CLK3: variants seen among roughly 807,000 people sequenced by gnomAD.
CLK3 encodes CDC like kinase 3.
In CLK3, 24 loss-of-function variants were observed where a neutral mutation model predicts 65.2. The observed-to-expected ratio is 0.37, with a 90% CI of 0.27 to 0.52. CLK3 has a LOEUF of 0.52. CLK3 is among the 20% of genes least tolerant of loss of function. CLK3 has a pLI of 0.92. For synonymous variants in CLK3, 252 were observed against 240.8 expected, an observed-to-expected ratio of 1.05 and a Z score of -0.43; for missense variants, 506 against 660.0, an observed-to-expected ratio of 0.77 and a Z score of 2.56.
chr15:74,628,285 G>A (rs960746830), intron 10 of CLK3, among the ~76,000 whole-genome samples: 1 of 151,418 alleles, frequency 6.6e-6, no homozygotes, highest in Non-Finnish European at 1.5e-5. Context: ...ATGGAGGATG[G>A]GGTAGGAGGT....
chr15:74,616,376 C>G (rs2062060212), intron 1 of CLK3, among the ~76,000 whole-genome samples: 1 of 152,246 alleles, frequency 6.6e-6, no homozygotes, highest in Non-Finnish European at 1.5e-5. Context: ...GACTCTGAGA[C>G]CCCCTGGGAC....
chr15:74,626,003 C>T (rs1289388578), intron 7 of CLK3, 35 bp downstream of exon 7: 1 of 1,607,714 alleles, frequency 6.2e-7, no homozygotes, highest in East Asian at 2.2e-5. Flanking sequence ...CATGGGCAGC[C>T]ACATGCCTGC....
chr15:74,618,658 T>C (rs536736523), intron 1 of CLK3, among the ~76,000 whole-genome samples: 7 of 152,336 alleles, frequency 4.6e-5, no homozygotes, highest in African/African-American at 1.7e-4. Flanking sequence ...TGCTCACTTG[T>C]GGTCCTTACT....
chr15:74,613,600 C>T (rs2062018516), upstream of CLK3: 1 of 152,154 alleles, frequency 6.6e-6, no homozygotes, highest in Non-Finnish European at 1.5e-5. Context: ...GAGGTAGGGA[C>T]TCCTGGATTC....
In CLK3 at chr15:74,615,859, C is replaced by CG. The variant is rs768367199; in HGVS notation, c.-36dup. ...CCGGAAGCGGAAGAGGCGCTCGGAG[C>CG]GGGGAGTGGGGCCTAGCTGCAGCCG... On this transcript the variant is annotated 5_prime_UTR_variant, in exon 1 of 13. Coordinates refer to ENST00000395066, the MANE Select transcript of CLK3 (RefSeq NM_001130028.2). 471 of 1,255,410 alleles carry CG rather than the reference C, an allele frequency of 3.8e-4. No homozygotes were observed. The highest frequency in any genetic ancestry group is 7.4e-4 in the South Asian group (23 of 30,992). The allele number at this position is 1,255,410 out of a possible 1,614,324, so 77.8% of individuals were successfully genotyped here. A position where few individuals can be genotyped will look rare whatever the true frequency, so the allele number is the denominator to read the frequency against.
intron 1 of CLK3, among the ~76,000 whole-genome samples, chr15:74,609,880 C>G (rs2061966103): frequency 6.6e-6 from 1 of 152,232 alleles, no homozygotes; most frequent in African/African-American, 2.4e-5. Context: ...GGCCCCAACT[C>G]AAGTTATGAC....
At chr15:74,620,877 G>A (rs1596287728) in intron 3 of CLK3, 1 of 153,088 alleles carries the variant, frequency 6.5e-6, no homozygotes. Context: ...TGGCAGAAAG[G>A]CTGCCGCCCC....
chr15:74,619,966 G>GC (rs773131274), intron 2 of CLK3, 43 bp from the exon 3 acceptor site: 4 of 1,612,418 alleles, frequency 2.5e-6, no homozygotes. Context: ...CTTGCTAACA[G>GC]CAAGGACCCA....
Position 74,622,180 on chromosome 15 carries a change from C to T in CLK3, c.430C>T (p.Leu144=). Reference sequence around the variant, plus strand: ...TGTGGAAGATGACAAGGAGGGTCACCTGGTGTGCCGGATCGGCGATTGGCT... The same window carrying T: ...TGTGGAAGATGACAAGGAGGGTCACTTGGTGTGCCGGATCGGCGATTGGCT... ...RSVEDDKEGH[L]VCRIGDWLQE... is the part of the protein sequence containing the mutation. The change falls in exon 4 of 13, where the codon CTG becomes TTG. Residue 144 remains leucine (L), a synonymous_variant. Coordinates refer to ENST00000395066, the MANE Select transcript of CLK3 (RefSeq NM_001130028.2). The surrounding 1 kb of genome is among the most constrained non-coding windows in gnomAD (Gnocchi z 4.6). 1 of 1,614,034 alleles carries T rather than the reference C, an allele frequency of 6.2e-7. No homozygotes were observed. Among genetic ancestry groups the T allele is most frequent in the African/African-American group, 1.3e-5 (1 of 75,036 alleles).
rs977756625 is a variant in CLK3 at position 74,627,687 on chromosome 15, T to G, written c.1042+19T>G. ...ATCCTTGGTGAGTGACTGTATGGCC[T>G]GTGACCTTGTCATACTGGACTGTTG... is the stretch of plus-strand genomic sequence containing the variant. On this transcript the variant is annotated intron_variant, in intron 9 of 12. Coordinates refer to ENST00000395066, the MANE Select transcript of CLK3 (RefSeq NM_001130028.2). The surrounding 1 kb of genome is among the most constrained non-coding windows in gnomAD (Gnocchi z 4.3). 1 of 1,612,954 alleles carries G rather than the reference T, an allele frequency of 6.2e-7. No individual in the cohort carries two copies. The highest frequency in any genetic ancestry group is 1.3e-5 in the African/African-American group (1 of 74,918).
Position 74,625,954 on chromosome 15 carries a change from G to A in CLK3, c.803G>A (p.Cys268Tyr), listed in dbSNP as rs772657335. ...PHVRHMAYQL[C>Y]HALRFLHENQ... ...GTCCGGCACATGGCCTACCAGCTCTGCCACGCCCTTAGATGTAAGTGTCCA... is the reference window on the plus strand; with the variant it reads ...GTCCGGCACATGGCCTACCAGCTCTACCACGCCCTTAGATGTAAGTGTCCA... The change falls in exon 7 of 13, where the codon TGC (cysteine) becomes TAC (tyrosine). Residue 268 changes from cysteine to tyrosine, a missense_variant. By Grantham distance (194) the Cys-to-Tyr change is radical. Coordinates refer to ENST00000395066, the MANE Select transcript of CLK3 (RefSeq NM_001130028.2). 6.2e-7 allele frequency: 1 copy of A among 1,614,082 alleles called. No individual in the cohort carries two copies. Among genetic ancestry groups the A allele is most frequent in the Non-Finnish European group, 8.5e-7 (1 of 1,179,974 alleles).
At chr15:74,629,473 C>G in intron 12 of CLK3, 1 of 574,762 alleles carries the variant, frequency 1.7e-6, no homozygotes, top group Non-Finnish European at 3.1e-6. Flanking sequence ...CATGTGGGGG[C>G]AGAGGCATCA....
At chr15:74,620,906 G>C (rs2062096748) in intron 3 of CLK3, 1 of 153,136 alleles carries the variant, frequency 6.5e-6, no homozygotes, top group Non-Finnish European at 1.5e-5. Context: ...TCCAGTTGCA[G>C]GCCACATGCC....
upstream of CLK3, chr15:74,615,682 A>T (rs2062049177): frequency 1.6e-6 from 2 of 1,240,760 alleles, no homozygotes; most frequent in South Asian, 7.1e-5. Flanking sequence ...CTAGTCTCCT[A>T]GGCCGCGGCG....
At chr15:74,615,829 C>T (rs769691211), upstream of CLK3, 4 of 1,247,468 alleles carry the variant, frequency 3.2e-6, 1 homozygote, top group East Asian at 3.1e-5. Context: ...GGGCGGAGGT[C>T]GCAGCCGGAA....
upstream of CLK3, chr15:74,613,646 T>C (rs1289567619): frequency 6.6e-6 from 1 of 152,078 alleles, no homozygotes; most frequent in Non-Finnish European, 1.5e-5. Flanking sequence ...GGTGACTAAC[T>C]TACCCCATCA....
chr15:74,629,083 G>GC (rs1567146013), intron 12 of CLK3, 51 bp downstream of exon 12: 3 of 1,338,068 alleles, frequency 2.2e-6, no homozygotes, highest in Admixed American at 3.4e-5. Context: ...GAGACCCCAG[G>GC]CACTGGGCAG....
At chr15:74,625,059 G>A in intron 6 of CLK3, 41 bp downstream of exon 6, 1 of 1,456,974 alleles carries the variant, frequency 6.9e-7, no homozygotes, top group Non-Finnish European at 9.6e-7. Flanking sequence ...CTTCAGTGGG[G>A]CTGCTGGACC....
rs2062088917 is a variant in CLK3 at position 74,620,028 on chromosome 15, C to T, written c.172C>T (p.Gln58Ter). ...TGGCAGCCATGACCGCCTGCCCTACCAGAGGAGGTACCGGGAGCGCCGTGA... is the reference window on the plus strand; with the variant it reads ...TGGCAGCCATGACCGCCTGCCCTACTAGAGGAGGTACCGGGAGCGCCGTGA... ...RSRSHDRLPYQRRYRERRDSD... is the reference protein window; with the variant it reads ...RSRSHDRLPY Residue 58 changes from glutamine (Q) to a stop codon, truncating the protein, a stop_gained, in exon 3 of 13, where the codon CAG becomes TAG. Transcript: ENST00000395066. LOFTEE classifies it high-confidence loss of function. The T allele has an allele frequency of 6.2e-7, 1 of 1,614,150 alleles. No individual in the cohort carries two copies. The highest frequency in any genetic ancestry group is 8.5e-7 in the Non-Finnish European group (1 of 1,180,026).
Sources: allele counts gnomAD v4.1 joint callset (sites outside exome capture counted in the v4.1 genomes callset), GRCh38; gene constraint gnomAD v4.1.1; non-coding constraint Gnocchi (gnomAD v3.1); transcripts MANE v1.5; gene names NCBI Gene and HGNC (gene_info 2026-07-23, HGNC 2026-07-21).